The following HCLS1 variants were observed in gnomAD, a reference collection of about 807,000 sequenced individuals.
HCLS1 encodes hematopoietic cell-specific Lyn substrate 1.
Under a neutral mutation model 68.6 loss-of-function variants are expected in HCLS1, and 44 were observed. The observed-to-expected ratio is 0.64, with a 90% CI of 0.50 to 0.82. The LOEUF is 0.82. HCLS1 is among the 40% of genes least tolerant of loss of function. The probability of loss-of-function intolerance (pLI) is 0.00; values close to 1 mark genes in which losing one functional copy is unlikely to be tolerated. For synonymous variants in HCLS1, 217 were observed against 225.8 expected (o/e 0.96, Z 0.35); for missense variants, 602 against 612.1 (o/e 0.98, Z 0.17).
intron 3 of HCLS1, among the ~76,000 whole-genome samples, chr3:121,648,605 A>G (rs1937661703): frequency 6.6e-6 from 1 of 152,238 alleles, no homozygotes; most frequent in Non-Finnish European, 1.5e-5. Context: ...CCAGCGCAGG[A>G]CAACCAGACA....
intron 3 of HCLS1, among the ~76,000 whole-genome samples, chr3:121,648,879 A>G (rs1016671041): frequency 1.3e-5 from 2 of 152,186 alleles, no homozygotes; most frequent in African/African-American, 4.8e-5. Flanking sequence ...TCAGTTCAAC[A>G]CCAACACTGT....
chr3:121,640,116 A>C (rs1287752159), intron 6 of HCLS1, among the ~76,000 whole-genome samples: 3 of 152,170 alleles, frequency 2.0e-5, no homozygotes, highest in Non-Finnish European at 4.4e-5. Flanking sequence ...GTTAAAAAGA[A>C]GAGAATATTA....
chr3:121,640,844 G>A (rs1363114658), intron 6 of HCLS1, among the ~76,000 whole-genome samples: 5 of 140,492 alleles, frequency 3.6e-5, no homozygotes, highest in African/African-American at 1.3e-4. Context: ...CGGGAGGGCA[G>A]GGCAGGGCAG....
At position 121,631,408 on chromosome 3, in the gene HCLS1, ACC is replaced by A. The variant is rs2049096188; in HGVS notation, c.*436_*437del. On this transcript the variant is annotated 3_prime_UTR_variant, in exon 14 of 14. Coordinates refer to ENST00000314583, the MANE Select transcript of HCLS1 (RefSeq NM_005335.6). ...ACTATTTACCTCAGCATACAGGTGA[ACC>A]ATAGTCTCACTTTATTTCGAATTTT... 1 of 164,434 alleles carries A rather than the reference ACC, an allele frequency of 6.1e-6. No homozygotes were observed. The highest frequency in any genetic ancestry group is 2.4e-5 in the African/African-American group (1 of 41,670). The allele number at this position is 164,434 out of a possible 1,614,324, so 10.2% of individuals were successfully genotyped here.
chr3:121,640,782 A>AAGGGG (rs1185039803), intron 6 of HCLS1, among the ~76,000 whole-genome samples: 102 of 53,404 alleles, frequency 1.9e-3, no homozygotes, highest in Non-Finnish European at 1.8e-3. Context: ...AAGGCAAGGG[A>AAGGGG]AGGGGAGGGG....
chr3:121,657,242 A>G, intron 3 of HCLS1, 37 bp downstream of exon 3: 2 of 1,579,408 alleles, frequency 1.3e-6, no homozygotes, highest in East Asian at 2.2e-5. Flanking sequence ...CTCTTCCCAT[A>G]ACCCCCTTCC....
At chr3:121,641,217 G>A (rs542445129) in intron 6 of HCLS1, among the ~76,000 whole-genome samples, 30 of 152,096 alleles carry the variant, frequency 2.0e-4, no homozygotes, top group East Asian at 3.9e-4. Flanking sequence ...AAAAAAACCC[G>A]GAGATATAAG....
chr3:121,649,510 C>T (rs1937693423), intron 3 of HCLS1, among the ~76,000 whole-genome samples: 1 of 152,212 alleles, frequency 6.6e-6, no homozygotes, highest in Non-Finnish European at 1.5e-5. Context: ...GCTGGGATTA[C>T]AGGCGTGAGC....
intron 1 of HCLS1, among the ~76,000 whole-genome samples, chr3:121,659,058 C>A (rs78654812): frequency 0.095 from 14,499 of 152,064 alleles, 922 homozygotes; most frequent in Non-Finnish European, 0.14. Flanking sequence ...CAAAAAATAG[C>A]ATGTTTTCAA....
rs898352624 is a variant in HCLS1, at chr3:121,635,874, TG to T, written c.622-71del. 9 of 1,164,648 alleles carry T rather than the reference TG, an allele frequency of 7.7e-6. No homozygotes were observed. The African/African-American group carries it at 1.4e-4, about 18-fold the overall frequency. 72.1% of individuals were successfully genotyped at this position (1,164,648 alleles called of 1,614,324 possible). A position where few individuals can be genotyped will look rare whatever the true frequency, so the allele number is the denominator to read the frequency against. On this transcript the variant is annotated intron_variant, in intron 8 of 13. Transcript: ENST00000314583. ...GGTAGTGGTGACCTGGAGGTAGTAT[TG>T]GGGGTTGGGGGCCACTATAAGAGGT...
intron 3 of HCLS1, among the ~76,000 whole-genome samples, chr3:121,655,823 CATTTATTTATTTATTT>C (rs58817111): frequency 8.7e-5 from 12 of 137,842 alleles, no homozygotes; most frequent in South Asian, 7.1e-4. Flanking sequence ...TAATTGAAAC[CATTTATTTATTTATTT>C]ATTTATTTAT....
rs1937640942 is a variant in HCLS1 at position 121,647,567 on chromosome 3, C to G, written c.159-119G>C. On this transcript the variant is annotated intron_variant, in intron 3 of 13. Coordinates refer to ENST00000314583, the MANE Select transcript of HCLS1 (RefSeq NM_005335.6). Reference sequence around the variant, plus strand: ...TTACTTTCAGTAATAACCTGGGCCCCCAAAATATACTAGTGATGGGTCTGG... The same window carrying G: ...TTACTTTCAGTAATAACCTGGGCCCGCAAAATATACTAGTGATGGGTCTGG... 6 of 937,292 alleles carry G rather than the reference C, an allele frequency of 6.4e-6. No homozygotes were observed. In the East Asian group the frequency reaches 1.3e-4, roughly 20 times the overall value. The allele number at this position is 937,292 out of a possible 1,614,324, so 58.1% of individuals were successfully genotyped here.
intron 2 of HCLS1, among the ~76,000 whole-genome samples, chr3:121,657,626 G>A (rs529459211): frequency 6.6e-6 from 1 of 152,212 alleles, no homozygotes; most frequent in East Asian, 1.9e-4. Context: ...GACTAGCTTG[G>A]CCAACATGGT....
At chr3:121,636,632 T>A in intron 7 of HCLS1, 143 bp from the exon 8 acceptor site, 1 of 680,854 alleles carries the variant, frequency 1.5e-6, no homozygotes, top group Non-Finnish European at 2.6e-6. Context: ...GAGGCATGGA[T>A]GGGAAGAGAG....
intron 5 of HCLS1, 37 bp from the exon 6 acceptor site, chr3:121,643,018 A>T: frequency 6.3e-7 from 1 of 1,577,398 alleles, no homozygotes; most frequent in Non-Finnish European, 8.7e-7. Context: ...TTAGAGTCAG[A>T]GCTGACAGGT....
chr3:121,650,600 A>T (rs1395758908), intron 3 of HCLS1, among the ~76,000 whole-genome samples: 2 of 152,220 alleles, frequency 1.3e-5, no homozygotes, highest in Non-Finnish European at 2.9e-5. Context: ...TCACATGGAG[A>T]AAAATGAACC....
chr3:121,648,150 C>G (rs915938744), intron 3 of HCLS1, among the ~76,000 whole-genome samples: 1 of 152,012 alleles, frequency 6.6e-6, no homozygotes, highest in Non-Finnish European at 1.5e-5. Flanking sequence ...GATCTTCTGC[C>G]CCTTCCCCCC....
chr3:121,632,291 G>C, intron 12 of HCLS1, 41 bp downstream of exon 12: 1 of 1,607,568 alleles, frequency 6.2e-7, no homozygotes, highest in South Asian at 1.1e-5. Context: ...ACCCTCCCCT[G>C]GACATGAGCA....
intron 3 of HCLS1, among the ~76,000 whole-genome samples, chr3:121,652,446 G>C (rs1276288950): frequency 6.6e-6 from 1 of 152,132 alleles, no homozygotes; most frequent in African/African-American, 2.4e-5. Context: ...TTGAGGTCAG[G>C]AGTTCAAGAC....
Sources: allele counts gnomAD v4.1 joint callset (sites outside exome capture counted in the v4.1 genomes callset), GRCh38; gene constraint gnomAD v4.1.1; transcripts MANE v1.5; gene names NCBI Gene and HGNC (gene_info 2026-07-23, HGNC 2026-07-21).